HHAT: variants seen among roughly 807,000 people sequenced by gnomAD.
The protein encoded by HHAT is protein-cysteine N-palmitoyltransferase HHAT.
Under a neutral mutation model 70.8 loss-of-function variants are expected in HHAT, and 47 were observed. That is an observed-to-expected ratio of 0.66 (90% confidence interval 0.53 to 0.85). The LOEUF (loss-of-function observed/expected upper bound fraction) is 0.85, where lower values mean the gene tolerates loss of function less well. Among genes scored for constraint, HHAT ranks in the 40% least tolerant of loss-of-function variants. The pLI, the probability that HHAT is intolerant of heterozygous loss-of-function variation, is 0.00. For synonymous variants in HHAT, 228 were observed against 247.6 expected (o/e 0.92, Z 0.74); for missense variants, 609 against 604.8 (o/e 1.01, Z -0.07).
chr1:210,348,072 C>A (rs145147546), intron 1 of HHAT, among the ~76,000 whole-genome samples: 1 of 152,276 alleles, frequency 6.6e-6, no homozygotes, highest in Non-Finnish European at 1.5e-5. Flanking sequence ...ATGTCATTAA[C>A]TGCCCTTTAA....
At chr1:210,467,407 C>G (rs1307518128) in intron 8 of HHAT, among the ~76,000 whole-genome samples, 1 of 152,200 alleles carries the variant, frequency 6.6e-6, no homozygotes, top group African/African-American at 2.4e-5. Context: ...AACCCTGACA[C>G]TGGTCCTGGT....
chr1:210,396,995 T>C (rs2091825353), intron 4 of HHAT, among the ~76,000 whole-genome samples: 1 of 152,152 alleles, frequency 6.6e-6, no homozygotes. Flanking sequence ...CCTATACATG[T>C]GATAAAATTG....
intron 10 of HHAT, among the ~76,000 whole-genome samples, chr1:210,618,254 T>G (rs1230203941): frequency 6.6e-6 from 1 of 152,206 alleles, no homozygotes; most frequent in Non-Finnish European, 1.5e-5. Flanking sequence ...GTGGCCGTTC[T>G]TCTCTTTCTT....
intron 2 of HHAT, among the ~76,000 whole-genome samples, chr1:210,353,110 A>G (rs1398052290): frequency 1.3e-5 from 2 of 151,564 alleles, no homozygotes; most frequent in Non-Finnish European, 2.9e-5. Context: ...TAATTTTTGT[A>G]TTTTTAGTAC....
chr1:210,352,931 AC>A (rs1265884382), intron 2 of HHAT, among the ~76,000 whole-genome samples: 4 of 138,270 alleles, frequency 2.9e-5, no homozygotes, highest in African/African-American at 1.1e-4. Flanking sequence ...GTCTCTGTTT[AC>A]TTTTTTTTTT....
chr1:210,381,073 A>AG (rs1457551095), intron 3 of HHAT, among the ~76,000 whole-genome samples: 2 of 151,986 alleles, frequency 1.3e-5, no homozygotes, highest in East Asian at 1.9e-4. Flanking sequence ...AATGGGTAGA[A>AG]GTGAGTAGAG....
chr1:210,491,238 C>T (rs1454022074), intron 8 of HHAT, among the ~76,000 whole-genome samples: 3 of 152,278 alleles, frequency 2.0e-5, no homozygotes, highest in East Asian at 1.9e-4. Flanking sequence ...TCTCTCGGAA[C>T]TGGCCTCCCA....
chr1:210,438,294 A>G (rs1485523431), intron 7 of HHAT, among the ~76,000 whole-genome samples: 1 of 151,806 alleles, frequency 6.6e-6, no homozygotes, highest in Non-Finnish European at 1.5e-5. Context: ...CTCAGGTAAC[A>G]TGGTTCTTTG....
intron 7 of HHAT, among the ~76,000 whole-genome samples, chr1:210,452,962 T>C (rs1417607481): frequency 2.0e-5 from 3 of 152,242 alleles, no homozygotes; most frequent in Admixed American, 6.5e-5. Context: ...TGATTGGAGA[T>C]TAAAAACCTG....
intron 11 of HHAT, among the ~76,000 whole-genome samples, chr1:210,670,950 C>T (rs1679952319): frequency 6.6e-6 from 1 of 152,140 alleles, no homozygotes; most frequent in Admixed American, 6.5e-5. Flanking sequence ...TGCTATCTAG[C>T]CACCTCTCTG....
rs539655651 is a variant in HHAT, at chr1:210,434,062, TATTA to T, written c.856+15744_856+15747del. ...AGGGCTATCAATGAATCAGAAGGAATATTAATTAATGAGGAAGTAAACAAGTGTC... is the reference window on the plus strand; with the variant it reads ...AGGGCTATCAATGAATCAGAAGGAATATTAATGAGGAAGTAAACAAGTGTC... On this transcript the variant is annotated intron_variant, in intron 7 of 11. Transcript: ENST00000261458. 5.9e-5 allele frequency among the ~76,000 whole-genome samples: 9 copies of T among 152,054 alleles called. No individual in the cohort carries two copies. In the South Asian group the frequency reaches 1.7e-3, roughly 28 times the overall value.
intron 9 of HHAT, among the ~76,000 whole-genome samples, chr1:210,535,246 A>G (rs1462275978): frequency 2.0e-5 from 3 of 152,154 alleles, no homozygotes; most frequent in Admixed American, 6.5e-5. Context: ...ATCAGGCTCC[A>G]GTTCCTCATT....
At chr1:210,555,315 G>T (rs985711446) in intron 9 of HHAT, among the ~76,000 whole-genome samples, 5 of 152,196 alleles carry the variant, frequency 3.3e-5, no homozygotes, top group African/African-American at 9.7e-5. Flanking sequence ...GCCCAGATCA[G>T]CAGGAAGAGA....
chr1:210,484,496 T>C (rs945107497), intron 8 of HHAT, among the ~76,000 whole-genome samples: 1 of 21,288 alleles, frequency 4.7e-5, no homozygotes, highest in African/African-American at 8.5e-4. Context: ...CATAGCTACT[T>C]TTTTTTTTTT....
At chr1:210,497,977 G>A (rs554507564) in intron 8 of HHAT, among the ~76,000 whole-genome samples, 1 of 151,852 alleles carries the variant, frequency 6.6e-6, no homozygotes, top group African/African-American at 2.4e-5. Context: ...GGATGGTCTC[G>A]ATCTCTTGAC....
At chr1:210,387,995 G>C (rs911019280) in intron 4 of HHAT, among the ~76,000 whole-genome samples, 1 of 152,184 alleles carries the variant, frequency 6.6e-6, no homozygotes, top group Non-Finnish European at 1.5e-5. Context: ...GTTTTAGATG[G>C]GAAGTCCAGT....
At chr1:210,559,386 G>T (rs1028930395) in intron 9 of HHAT, among the ~76,000 whole-genome samples, 1 of 152,158 alleles carries the variant, frequency 6.6e-6, no homozygotes. Flanking sequence ...TAAATGGAGT[G>T]GATAAGTGCT....
intron 10 of HHAT, among the ~76,000 whole-genome samples, chr1:210,602,954 A>G (rs538773374): frequency 3.3e-4 from 50 of 152,300 alleles, no homozygotes; most frequent in Non-Finnish European, 6.2e-4. Context: ...TGTTAGTTCA[A>G]ATATGTTTAG....
intron 9 of HHAT, among the ~76,000 whole-genome samples, chr1:210,582,207 C>T (rs543521206): frequency 5.9e-5 from 9 of 152,190 alleles, no homozygotes; most frequent in Admixed American, 2.0e-4. Context: ...ACCAAAGGCA[C>T]GGAGCTGTCA....
Sources: gnomAD v4.1 joint callset for allele counts (sites outside exome capture counted in the v4.1 genomes callset) on GRCh38, gnomAD v4.1.1 for gene constraint, MANE v1.5 for transcripts, NCBI Gene and HGNC (gene_info 2026-07-23, HGNC 2026-07-21) for gene names.